ELP4: variants seen among roughly 807,000 people sequenced by gnomAD.
ELP4 encodes the protein elongator complex protein 4.
A neutral mutation model predicts 48.9 loss-of-function variants in ELP4; 51 were observed. That is an observed-to-expected ratio of 1.04 (90% CI 0.83 to 1.32). The LOEUF (loss-of-function observed/expected upper bound fraction) is 1.32, where lower values mean the gene tolerates loss of function less well. ELP4 is among the 40% of genes most tolerant of loss of function. ELP4 has a pLI of 0.00. For synonymous variants in ELP4, 210 were observed against 189.2 expected, an observed-to-expected ratio of 1.11 and a Z score of -0.90; for missense variants, 519 against 514.6, an observed-to-expected ratio of 1.01 and a Z score of -0.08.
Position 31,540,795 on chromosome 11 carries a change from C to A in ELP4, c.381+1012C>A, listed in dbSNP as rs1413891436. On this transcript the variant is annotated intron_variant, in intron 3 of 9. Coordinates refer to ENST00000640961, the MANE Select transcript of ELP4 (RefSeq NM_019040.5). ...TGTAGATTGTTTGGTAATTATATTA[C>A]CAGTATGCCAGAGGTATAAATCAGA... Among the ~76,000 whole-genome samples, 8 of 152,166 alleles carry A rather than the reference C, an allele frequency of 5.3e-5. 1 individual carries two copies. The South Asian group carries it at 1.7e-3, about 32-fold the overall frequency.
chr11:31,552,055 C>G (rs1454941282), intron 3 of ELP4, among the ~76,000 whole-genome samples: 1 of 152,118 alleles, frequency 6.6e-6, no homozygotes, highest in African/African-American at 2.4e-5. Context: ...GTGGTCATCT[C>G]TCAGGCCTCA....
chr11:31,732,494 CAG>C (rs1440432808), intron 9 of ELP4, among the ~76,000 whole-genome samples: 1 of 141,070 alleles, frequency 7.1e-6, no homozygotes, highest in Non-Finnish European at 1.5e-5. Context: ...TAAATGAAAA[CAG>C]AAAGGAAAAC....
At chr11:31,762,622 A>C (rs1304840733) in intron 9 of ELP4, among the ~76,000 whole-genome samples, 1 of 152,008 alleles carries the variant, frequency 6.6e-6, no homozygotes, top group Non-Finnish European at 1.5e-5. Context: ...GTCATTTTTA[A>C]GTATATTTAG....
intron 9 of ELP4, among the ~76,000 whole-genome samples, chr11:31,772,416 G>A (rs182813695): frequency 4.4e-4 from 67 of 152,234 alleles, no homozygotes; most frequent in African/African-American, 1.2e-3. Context: ...CAACGCACCC[G>A]GCCTAAATTA....
Position 31,783,462 on chromosome 11 carries a change from G to T in ELP4, c.1213G>T (p.Ala405Ser). 4 of 1,614,034 alleles carry T rather than the reference G, an allele frequency of 2.5e-6. No individual in the cohort carries two copies. The highest frequency in any genetic ancestry group is 3.4e-6 in the Non-Finnish European group (4 of 1,179,936). Reference protein sequence around the residue: ...RSSKMDLAESAKRLGPGCGMM... With the variant: ...RSSKMDLAESSKRLGPGCGMM... ...AAGCAAAATGGATCTGGCAGAATCC[G>T]CCAAGCGGCTGGGCCCAGGCTGTGG... The change falls in exon 10 of 10, where the codon GCC becomes TCC. Residue 405 changes from alanine (A) to serine (S), a missense_variant. Coordinates refer to ENST00000640961, the MANE Select transcript of ELP4 (RefSeq NM_019040.5).
chr11:31,546,970 G>T (rs1956734924), intron 3 of ELP4, among the ~76,000 whole-genome samples: 1 of 151,826 alleles, frequency 6.6e-6, no homozygotes, highest in Non-Finnish European at 1.5e-5. Context: ...AGAATCTCTG[G>T]GACACATTCA....
chr11:31,664,041 A>G (rs1858928404), intron 9 of ELP4: 1 of 152,178 alleles, frequency 6.6e-6, no homozygotes, highest in South Asian at 2.1e-4. Flanking sequence ...AAAGAACTCA[A>G]TGTAGTGTTT....
intron 9 of ELP4, among the ~76,000 whole-genome samples, chr11:31,751,817 A>G (rs1204038122): frequency 6.6e-6 from 1 of 152,154 alleles, no homozygotes. Flanking sequence ...ATAAGCTACT[A>G]ACCTAGAAGT....
chr11:31,677,538 A>G (rs1337824599), intron 9 of ELP4, among the ~76,000 whole-genome samples: 2 of 152,166 alleles, frequency 1.3e-5, no homozygotes, highest in East Asian at 1.9e-4. Context: ...TCTGCTTTAT[A>G]TTATGTAGTA....
Position 31,727,173 on chromosome 11 carries a change from T to G in ELP4, c.1144-56220T>G, listed in dbSNP as rs947976507. On this transcript the variant is annotated intron_variant, in intron 9 of 9. Transcript: ENST00000640961. ...TTTTACAGTTTTTTTTTTTTAACTT[T>G]AAAGTGAACATATGTAGAGTTTTTA... Among the ~76,000 whole-genome samples the G allele has an allele frequency of 7.6e-4, 115 of 152,034 alleles. 2 individuals carry two copies. Among genetic ancestry groups the G allele is most frequent in the African/African-American group, 2.2e-4 (9 of 41,534 alleles).
chr11:31,578,104 A>G (rs2133967145), intron 3 of ELP4, among the ~76,000 whole-genome samples: 1 of 152,346 alleles, frequency 6.6e-6, no homozygotes. Flanking sequence ...AAGTCTCAGG[A>G]TACAAAATCA....
intron 9 of ELP4, chr11:31,763,441 A>G (rs371334600): frequency 4.6e-4 from 744 of 1,609,080 alleles, no homozygotes; most frequent in Non-Finnish European, 6.0e-4. Flanking sequence ...GAGACAAGAG[A>G]GGAACATTTA....
chr11:31,529,733 C>T (rs933135751), intron 2 of ELP4, among the ~76,000 whole-genome samples: 2 of 152,132 alleles, frequency 1.3e-5, no homozygotes, highest in Non-Finnish European at 2.9e-5. Context: ...TGTAAACAAA[C>T]ACAGCTAGAA....
chr11:31,528,893 T>G (rs1043067651), intron 2 of ELP4, among the ~76,000 whole-genome samples: 4 of 152,152 alleles, frequency 2.6e-5, no homozygotes, highest in African/African-American at 9.7e-5. Flanking sequence ...TTTTTCAACA[T>G]TATTTAACTG....
intron 1 of ELP4, among the ~76,000 whole-genome samples, chr11:31,515,029 G>GTATATA (rs1173108055): frequency 2.3e-5 from 3 of 132,760 alleles, no homozygotes; most frequent in Admixed American, 7.9e-5. Context: ...GTGTGTGTGT[G>GTATATA]TGTGTATATA....
At chr11:31,780,618 A>T (rs1190764051) in intron 9 of ELP4, 2 of 152,224 alleles carry the variant, frequency 1.3e-5, no homozygotes, top group Admixed American at 6.5e-5. Flanking sequence ...CTTCAAAGCC[A>T]TTCAACCTGA....
intron 9 of ELP4, among the ~76,000 whole-genome samples, chr11:31,738,859 A>G (rs1947382883): frequency 6.6e-6 from 1 of 152,230 alleles, no homozygotes; most frequent in Admixed American, 6.5e-5. Context: ...ATATATGAGC[A>G]TTTAAAACAG....
intron 5 of ELP4, among the ~76,000 whole-genome samples, chr11:31,612,636 G>A (rs987542902): frequency 6.6e-6 from 1 of 152,170 alleles, no homozygotes; most frequent in African/African-American, 2.4e-5. Context: ...GAAAGAGAAG[G>A]GGCAGTACAC....
intron 2 of ELP4, among the ~76,000 whole-genome samples, chr11:31,529,863 A>G (rs1956365559): frequency 6.6e-6 from 1 of 152,146 alleles, no homozygotes; most frequent in Non-Finnish European, 1.5e-5. Context: ...GAATGAAGTA[A>G]GGTACCACCC....
Sources: gnomAD v4.1 joint callset for allele counts (sites outside exome capture counted in the v4.1 genomes callset) on GRCh38, gnomAD v4.1.1 for gene constraint, MANE v1.5 for transcripts, NCBI Gene and HGNC (gene_info 2026-07-23, HGNC 2026-07-21) for gene names.